Variants in BLTP2 observed in about 807,000 individuals in gnomAD.
BLTP2 encodes the protein bridge-like lipid transfer protein family member 2.
chr17:28,617,156 T>TGGAAAA, the BLTP2 span: 2 of 1,346,406 alleles, frequency 1.5e-6, no homozygotes, highest in South Asian at 2.4e-5. Context: ...CATAGTGGAT[T>TGGAAAA]TATACTGAAG....
the BLTP2 span, chr17:28,635,829 T>G: frequency 4.1e-6 from 2 of 489,600 alleles, no homozygotes; most frequent in Non-Finnish European, 7.2e-6. Context: ...TTATACTTTT[T>G]AAGTTCTCTT....
the BLTP2 span, chr17:28,639,484 T>C: frequency 1.2e-6 from 2 of 1,613,326 alleles, no homozygotes; most frequent in South Asian, 2.2e-5. Context: ...ACCAGAACTG[T>C]GGGTTTGGGT....
At chr17:28,641,000 C>T in the BLTP2 span, among the ~76,000 whole-genome samples, 1 of 152,210 alleles carries the variant, frequency 6.6e-6, no homozygotes, top group East Asian at 1.9e-4. Context: ...AGCTAACCTT[C>T]CTAGGCTTCA....
the BLTP2 span, chr17:28,614,968 A>G: frequency 9.9e-6 from 12 of 1,217,392 alleles, no homozygotes; most frequent in Non-Finnish European, 1.4e-5. Flanking sequence ...GACACCCACA[A>G]ATCCTCGTGG....
At chr17:28,627,192 T>C in the BLTP2 span, among the ~76,000 whole-genome samples, 18 of 152,262 alleles carry the variant, frequency 1.2e-4, no homozygotes, top group African/African-American at 4.1e-4. Context: ...AAAAACACTT[T>C]TGAGTTTGGG....
chr17:28,640,193 G>T, the BLTP2 span, among the ~76,000 whole-genome samples: 1 of 152,134 alleles, frequency 6.6e-6, no homozygotes, highest in Non-Finnish European at 1.5e-5. Context: ...AGGAGATCGA[G>T]ACCATCCTGG....
the BLTP2 span, chr17:28,616,360 T>C: frequency 8.7e-6 from 14 of 1,614,140 alleles, no homozygotes; most frequent in South Asian, 1.5e-4. The surrounding 1 kb of genome is among the most constrained non-coding windows in gnomAD (Gnocchi z 4.8). Flanking sequence ...TTTTCTATCA[T>C]CAGGGGCATG....
At chr17:28,633,410 A>C in the BLTP2 span, 1 of 1,608,340 alleles carries the variant, frequency 6.2e-7, no homozygotes. Flanking sequence ...TCCTATGACC[A>C]CCCCCGAGAA....
the BLTP2 span, chr17:28,631,809 T>G: frequency 4.3e-6 from 7 of 1,612,736 alleles, no homozygotes; most frequent in Non-Finnish European, 5.9e-6. Context: ...GAAAGGAGTC[T>G]TTCATTTTAC....
chr17:28,621,225 G>T, the BLTP2 span: 1 of 1,553,892 alleles, frequency 6.4e-7, no homozygotes, highest in South Asian at 1.1e-5. Context: ...AAGATAATGT[G>T]AGAGCCTCCC....
chr17:28,636,366 C>T, the BLTP2 span, among the ~76,000 whole-genome samples: 1 of 152,170 alleles, frequency 6.6e-6, no homozygotes, highest in Non-Finnish European at 1.5e-5. Flanking sequence ...CCTGCCAGTG[C>T]CTCTATCTTC....
At chr17:28,621,082 G>A in the BLTP2 span, 1 of 1,614,170 alleles carries the variant, frequency 6.2e-7, no homozygotes, top group Non-Finnish European at 8.5e-7. Flanking sequence ...TGTCATGGCT[G>A]TAACTAATAT....
the BLTP2 span, chr17:28,624,228 G>A: frequency 6.2e-7 from 1 of 1,613,160 alleles, no homozygotes; most frequent in Non-Finnish European, 8.5e-7. Flanking sequence ...GTAAAGAGAA[G>A]GTACCTGACA....
chr17:28,615,594 A>C, the BLTP2 span: 3 of 1,560,730 alleles, frequency 1.9e-6, no homozygotes, highest in African/African-American at 4.1e-5. Flanking sequence ...TTCTAAAATG[A>C]AAGGCTCCTG....
the BLTP2 span, chr17:28,637,145 G>T: frequency 2.5e-6 from 4 of 1,614,040 alleles, no homozygotes; most frequent in Non-Finnish European, 3.4e-6. Flanking sequence ...GGATAGTTAG[G>T]GTGTCCAGTC....
the BLTP2 span, chr17:28,617,197 T>A: frequency 6.4e-7 from 1 of 1,561,958 alleles, no homozygotes; most frequent in South Asian, 1.1e-5. Context: ...GCTAAAAACA[T>A]GCAAATGGAC....
the BLTP2 span, chr17:28,621,487 G>A: frequency 5.9e-5 from 95 of 1,613,674 alleles, 1 homozygote; most frequent in African/African-American, 1.1e-4. Context: ...GGTGCTCCTC[G>A]ATATTCTTCA....
At chr17:28,625,352 A>AG in the BLTP2 span, among the ~76,000 whole-genome samples, 58 of 150,500 alleles carry the variant, frequency 3.9e-4, no homozygotes, top group African/African-American at 1.3e-3. Flanking sequence ...AAAAAAAAAA[A>AG]AAAAAAGAAA....
chr17:28,643,224 G>A, the BLTP2 span: 439 of 1,614,012 alleles, frequency 2.7e-4, no homozygotes, highest in Non-Finnish European at 3.4e-4. Flanking sequence ...CCACCCCAGC[G>A]CTCTGGGAGA....
Sources: gnomAD v4.1 joint callset for allele counts (sites outside exome capture counted in the v4.1 genomes callset) on GRCh38, gnomAD v4.1.1 for gene constraint, Gnocchi (gnomAD v3.1) non-coding constraint, MANE v1.5 for transcripts, NCBI Gene and HGNC (gene_info 2026-07-23, HGNC 2026-07-21) for gene names.